The following PHTF2 variants were observed in gnomAD, a reference collection of about 807,000 sequenced individuals.
The protein encoded by PHTF2 is protein PHTF2.
Under a neutral mutation model 101.2 loss-of-function variants are expected in PHTF2, and 60 were observed. The ratio of observed to expected loss-of-function variants is 0.59; its 90% CI spans 0.48 to 0.73. PHTF2 has a LOEUF of 0.73. PHTF2 is among the 30% of genes least tolerant of loss of function. PHTF2 has a pLI of 0.00. For missense variants in PHTF2, 747 were observed against 908.7 expected, an observed-to-expected ratio of 0.82 and a Z score of 2.29; for synonymous variants, 311 against 307.3, an observed-to-expected ratio of 1.01 and a Z score of -0.13.
intron 1 of PHTF2, among the ~76,000 whole-genome samples, chr7:77,827,628 A>C (rs1794780385): frequency 6.6e-6 from 1 of 152,084 alleles, no homozygotes; most frequent in African/African-American, 2.4e-5. Flanking sequence ...CTGGGATTAC[A>C]GGTGTGAGCC....
chr7:77,882,356 TAA>T (rs34916341), intron 3 of PHTF2, among the ~76,000 whole-genome samples: 1 of 147,524 alleles, frequency 6.8e-6, no homozygotes, highest in Non-Finnish European at 1.5e-5. Context: ...TTTCAAATCT[TAA>T]AAAAAAAAAA....
intron 1 of PHTF2, among the ~76,000 whole-genome samples, chr7:77,799,487 C>T (rs925883420): frequency 6.6e-6 from 1 of 152,190 alleles, no homozygotes; most frequent in East Asian, 1.9e-4. Flanking sequence ...CGCTGCCCTG[C>T]CCCCTCTGAG....
chr7:77,834,014 G>A (rs911403391), intron 1 of PHTF2, among the ~76,000 whole-genome samples: 1 of 152,068 alleles, frequency 6.6e-6, no homozygotes, highest in Non-Finnish European at 1.5e-5. Context: ...AATACAATTA[G>A]AGGGTTTATT....
intron 1 of PHTF2, among the ~76,000 whole-genome samples, chr7:77,809,739 C>T (rs189444520): frequency 2.0e-5 from 3 of 152,152 alleles, no homozygotes; most frequent in East Asian, 3.9e-4. Context: ...TTAACTTAAC[C>T]TTGGACATAG....
At chr7:77,868,419 T>A (rs969724512) in intron 3 of PHTF2, among the ~76,000 whole-genome samples, 2 of 133,722 alleles carry the variant, frequency 1.5e-5, no homozygotes, top group African/African-American at 5.6e-5. Flanking sequence ...TCCTCCTACC[T>A]CAGCCTTCCA....
At chr7:77,881,324 C>G (rs975509902) in intron 3 of PHTF2, among the ~76,000 whole-genome samples, 1 of 152,114 alleles carries the variant, frequency 6.6e-6, no homozygotes, top group Admixed American at 6.5e-5. Context: ...CTTCTCCCCT[C>G]CATATATATG....
Position 77,842,068 on chromosome 7 carries a change from T to C in PHTF2, c.45+1768T>C, listed in dbSNP as rs1372909901. 2.0e-5 allele frequency among the ~76,000 whole-genome samples: 3 copies of C among 152,306 alleles called. No homozygotes were observed. The East Asian group carries it at 5.8e-4, about 29-fold the overall frequency. On this transcript the variant is annotated intron_variant, in intron 2 of 19. Coordinates refer to ENST00000416283, the Ensembl canonical transcript of PHTF2. ...AGCCCTGTAACTGAAGTTAGCCCTG[T>C]AATTGAAATGACCCTCTTATCCAAG...
At chr7:77,868,030 A>C (rs563226838) in intron 3 of PHTF2, among the ~76,000 whole-genome samples, 1 of 152,374 alleles carries the variant, frequency 6.6e-6, no homozygotes, top group African/African-American at 2.4e-5. Context: ...ATTAATGTTA[A>C]GAAACATTTC....
chr7:77,831,303 G>A (rs999570323), intron 1 of PHTF2, among the ~76,000 whole-genome samples: 1 of 152,376 alleles, frequency 6.6e-6, no homozygotes, highest in South Asian at 2.1e-4. Flanking sequence ...TCTGCACTGA[G>A]AGTATTATTC....
chr7:77,952,917 G>A (rs979384217), intron 18 of PHTF2, among the ~76,000 whole-genome samples: 1 of 151,880 alleles, frequency 6.6e-6, no homozygotes, highest in Non-Finnish European at 1.5e-5. Context: ...CTATTAGTAC[G>A]GCCCTATGTG....
intron 3 of PHTF2, among the ~76,000 whole-genome samples, chr7:77,857,226 TG>T (rs2150654773): frequency 6.6e-6 from 1 of 152,260 alleles, no homozygotes; most frequent in East Asian, 1.9e-4. Context: ...TTAACAAGGA[TG>T]AAAGTCTGGA....
At chr7:77,858,650 T>C (rs1303887762) in intron 3 of PHTF2, among the ~76,000 whole-genome samples, 8 of 138,474 alleles carry the variant, frequency 5.8e-5, no homozygotes, top group Non-Finnish European at 1.3e-4. Flanking sequence ...AAGTATACAC[T>C]TTTTTTTTTT....
rs561597657 is a variant in PHTF2 at position 77,801,185 on chromosome 7, C to G, written c.-36+2214C>G. On this transcript the variant is annotated intron_variant, in intron 1 of 19. Transcript: ENST00000416283. ...GATATTTGAACAAATGACGATAATA[C>G]AATATATACAGATTGAGCATCTGTA... Among the ~76,000 whole-genome samples, 12 of 152,260 alleles carry G rather than the reference C, an allele frequency of 7.9e-5. No homozygotes were observed. The South Asian group carries it at 2.5e-3, about 31-fold the overall frequency.
chr7:77,922,810 G>T (rs848486), intron 11 of PHTF2, 32 bp downstream of exon 10: 8 of 1,403,404 alleles, frequency 5.7e-6, no homozygotes, highest in Non-Finnish European at 6.9e-6. Flanking sequence ...GTATACATAC[G>T]TATCTATTTT....
At chr7:77,907,022 C>G (rs1468018088) in intron 7 of PHTF2, among the ~76,000 whole-genome samples, 5 of 150,880 alleles carry the variant, frequency 3.3e-5, no homozygotes, top group Non-Finnish European at 7.4e-5. Context: ...TTTACATGCA[C>G]TACCTCACCT....
intron 3 of PHTF2, among the ~76,000 whole-genome samples, chr7:77,858,058 A>G (rs949423899): frequency 6.6e-6 from 1 of 152,226 alleles, no homozygotes. Context: ...CAGCAAAATC[A>G]TGATTAAATA....
Position 77,879,105 on chromosome 7 carries a change from C to T in PHTF2, c.148-14503C>T, listed in dbSNP as rs566379478. ...ACCATATCCAGTGAGTTTCCTATTC[C>T]TGTACATTTTATCTTACAGACATTG... On this transcript the variant is annotated intron_variant, in intron 3 of 19. Transcript: ENST00000416283. 1.1e-4 allele frequency among the ~76,000 whole-genome samples: 17 copies of T among 152,332 alleles called. No individual in the cohort carries two copies. The East Asian group carries it at 3.1e-3, about 28-fold the overall frequency.
intron 11 of PHTF2, chr7:77,924,093 CA>C (rs1292981202): frequency 3.1e-6 from 3 of 963,708 alleles, no homozygotes; most frequent in African/African-American, 3.5e-5. Context: ...ATTCAGTTCT[CA>C]AAAATTTTTA....
chr7:77,920,302 T>C (rs1200363703), exon 10 of PHTF2: 1 of 1,591,254 alleles, frequency 6.3e-7, no homozygotes, highest in Admixed American at 1.8e-5. Flanking sequence ...AAGAATTCAA[T>C]TGATAAATCA....
Sources: allele counts gnomAD v4.1 joint callset (sites outside exome capture counted in the v4.1 genomes callset), GRCh38; gene constraint gnomAD v4.1.1; transcripts MANE v1.5; gene names NCBI Gene and HGNC (gene_info 2026-07-23, HGNC 2026-07-21).